The following BSG variants were observed in gnomAD, a reference collection of about 807,000 sequenced individuals.
BSG encodes basigin.
A neutral mutation model predicts 43.1 loss-of-function variants in BSG; 37 were observed. That is an observed-to-expected ratio of 0.86 (90% CI 0.66 to 1.13). The LOEUF (loss-of-function observed/expected upper bound fraction) is 1.13, where lower values mean the gene tolerates loss of function less well. BSG is among the 50% of genes most tolerant of loss of function. The pLI is 0.00. For synonymous variants in BSG, 309 were observed against 238.7 expected (o/e 1.29, Z -2.72); for missense variants, 599 against 554.2 (o/e 1.08, Z -0.81).
At chr19:579,040 C>T (rs1314438668) in intron 2 of BSG, 1 of 456,794 alleles carries the variant, frequency 2.2e-6, no homozygotes, top group Non-Finnish European at 4.4e-6. Context: ...ACCACCGCGC[C>T]CAGCTGGCTA....
At chr19:578,356 G>T in intron 2 of BSG, 1 of 445,580 alleles carries the variant, frequency 2.2e-6, no homozygotes, top group South Asian at 5.2e-5. Context: ...TCCAGCAGGT[G>T]GGTCCTCGTC....
intron 1 of BSG, among the ~76,000 whole-genome samples, chr19:575,644 C>T (rs1326396290): frequency 6.6e-6 from 1 of 151,784 alleles, no homozygotes. Flanking sequence ...GCAGCCTTAT[C>T]CTGCGGGGCT....
At position 579,648 on chromosome 19, in the gene BSG, G is replaced by C; in HGVS notation, c.564G>C (p.Thr188=). Reference sequence around the variant, plus strand: ...AGGACGCGCTGCCCGGCCAGAAAACGGAGTTCAAGTGAGTGCCTGACCACG... The same window carrying C: ...AGGACGCGCTGCCCGGCCAGAAAACCGAGTTCAAGTGAGTGCCTGACCACG... ...LKEDALPGQK[T]EFKVDSDDQW... is the part of the protein sequence containing the mutation. The change falls in exon 3 of 9, where the codon ACG becomes ACC. Residue 188 remains threonine (T), a synonymous_variant. Coordinates refer to ENST00000333511, the MANE Select transcript of BSG (RefSeq NM_001728.4). The C allele has an allele frequency of 2.5e-6, 4 of 1,609,342 alleles. No individual in the cohort carries two copies. The highest frequency in any genetic ancestry group is 3.4e-6 in the Non-Finnish European group (4 of 1,178,190).
rs1235506037 is a variant in BSG, at chr19:582,571, T to C, written c.1152T>C (p.Ser384=). The change falls in exon 8 of 9, where the codon TCT becomes TCC. Residue 384 remains serine, a synonymous_variant. Coordinates refer to ENST00000333511, the MANE Select transcript of BSG (RefSeq NM_001728.4). ...DKGKNVRQRN[S]S ...GCAAGAACGTCCGCCAGAGGAACTC[T>C]TCCTGAGGCAGGTGCGGTGGGCGGG... 7.2e-7 allele frequency: 1 copy of C among 1,395,014 alleles called. No individual in the cohort carries two copies. The highest frequency in any genetic ancestry group is 9.5e-7 in the Non-Finnish European group (1 of 1,048,160). 86.4% of individuals were successfully genotyped at this position (1,395,014 alleles called of 1,614,324 possible). A position where few individuals can be genotyped will look rare whatever the true frequency, so the allele number is the denominator to read the frequency against.
In BSG at chr19:579,485, C is replaced by G; in HGVS notation, c.416-15C>G. On this transcript the variant is annotated splice_polypyrimidine_tract_variant and intron_variant, in intron 2 of 8. Coordinates refer to ENST00000333511, the MANE Select transcript of BSG (RefSeq NM_001728.4). The stretch of plus-strand genomic sequence containing the variant: ...CTCCTCCACTCTGCTGACCGCGTCT[C>G]GCCGGGCCTTGCAGCCGGCACAGTC... The G allele has an allele frequency of 6.2e-7, 1 of 1,612,198 alleles. No homozygotes were observed. The highest frequency in any genetic ancestry group is 8.5e-7 in the Non-Finnish European group (1 of 1,179,860).
At chr19:580,155 G>A (rs895876169) in intron 3 of BSG, among the ~76,000 whole-genome samples, 1 of 86,834 alleles carries the variant, frequency 1.2e-5, no homozygotes, top group African/African-American at 1.1e-4. Context: ...GGGTTCATCA[G>A]TCGGGGAGAA....
chr19:580,095 T>G (rs942178234), intron 3 of BSG: 1 of 459,420 alleles, frequency 2.2e-6, no homozygotes, highest in Non-Finnish European at 3.9e-6. Flanking sequence ...TCAGGCTGAC[T>G]GGGAAGACGG....
chr19:576,917 A>G (rs955838455), intron 1 of BSG, among the ~76,000 whole-genome samples: 19 of 151,902 alleles, frequency 1.3e-4, no homozygotes, highest in Admixed American at 1.0e-3. Context: ...GTGTGCACGC[A>G]TATGCACGTG....
At chr19:579,932 C>T (rs746937266) in intron 3 of BSG, 3 of 493,304 alleles carry the variant, frequency 6.1e-6, no homozygotes, top group Admixed American at 7.6e-5. Context: ...TGCCAGGTCC[C>T]GGGCACGTGT....
chr19:581,329 C>T lies in BSG; in HGVS notation c.807C>T (p.Gly269=), dbSNP rs1409157319. 3 of 1,612,270 alleles carry T rather than the reference C, an allele frequency of 1.9e-6. No homozygotes were observed. Among genetic ancestry groups the T allele is most frequent in the East Asian group, 2.2e-5 (1 of 44,874 alleles). Residue 269 remains glycine (G), a synonymous_variant, in exon 6 of 9, where the codon GGC becomes GGT. Transcript: ENST00000333511. The part of the protein sequence containing the change: ...TDSEDKALMN[G]SESRFFVSSS... ...TGGTCCCCTAGGCCCTCATGAACGG[C>T]TCCGAGAGCAGGTTCTTCGTGAGTT...
chr19:571,814 A>G, upstream of BSG: 1 of 563,028 alleles, frequency 1.8e-6, no homozygotes, highest in Non-Finnish European at 3.2e-6. Context: ...CCCACAATCT[A>G]AGCTGATCCC....
At position 578,063 on chromosome 19, in the gene BSG, GA is replaced by G; in HGVS notation, c.358del (p.Thr120ProfsTer16). The part of the protein sequence containing the change: ...ASNDPDRNHL[T>X]RAPRVKWVRA... ...GCAACGACCCGGATCGCAACCACCT[GA>G]CCCGGGCGCCCAGGGTCAAGTGGGT... On this transcript the variant is annotated frameshift_variant, in exon 2 of 9. Coordinates refer to ENST00000333511, the MANE Select transcript of BSG (RefSeq NM_001728.4). LOFTEE classifies it high-confidence loss of function. The G allele has an allele frequency of 6.2e-7, 1 of 1,609,394 alleles. No homozygotes were observed. Among genetic ancestry groups the G allele is most frequent in the Non-Finnish European group, 8.5e-7 (1 of 1,178,076 alleles).
chr19:572,296 G>A (rs977688035), upstream of BSG: 14 of 757,978 alleles, frequency 1.8e-5, no homozygotes, highest in Non-Finnish European at 1.9e-5. Flanking sequence ...ACCCCCTCGG[G>A]CGCACCGCTC....
At chr19:572,430 G>C, upstream of BSG, 1 of 1,138,784 alleles carries the variant, frequency 8.8e-7, no homozygotes, top group South Asian at 4.4e-5. Flanking sequence ...GGATTCCGTA[G>C]CGTGAGCCTG....
In BSG at chr19:582,580, C is replaced by T. The variant is rs762369160; in HGVS notation, c.*3C>T. On this transcript the variant is annotated splice_region_variant and 3_prime_UTR_variant, in exon 8 of 9. Coordinates refer to ENST00000333511, the MANE Select transcript of BSG (RefSeq NM_001728.4). Reference sequence around the variant, plus strand: ...TCCGCCAGAGGAACTCTTCCTGAGGCAGGTGCGGTGGGCGGGAGCTCCTCC... The same window carrying T: ...TCCGCCAGAGGAACTCTTCCTGAGGTAGGTGCGGTGGGCGGGAGCTCCTCC... 88 of 1,039,616 alleles carry T rather than the reference C, an allele frequency of 8.5e-5. No individual in the cohort carries two copies. In the Middle Eastern group the frequency reaches 1.4e-3, roughly 16 times the overall value. 64.4% of individuals were successfully genotyped at this position (1,039,616 alleles called of 1,614,324 possible).
intron 4 of BSG, 41 bp downstream of exon 4, chr19:580,502 C>G (rs753413649): frequency 1.2e-6 from 2 of 1,607,190 alleles, no homozygotes; most frequent in East Asian, 2.2e-5. Flanking sequence ...CACCGACTGT[C>G]GGGAGAAGTT....
chr19:578,131 G>T lies in BSG; in HGVS notation c.415+10G>T. 2 of 1,536,632 alleles carry T rather than the reference G, an allele frequency of 1.3e-6. No individual in the cohort carries two copies. Among genetic ancestry groups the T allele is most frequent in the South Asian group, 1.2e-5 (1 of 81,916 alleles). ...GTGCTAGTCCTGGAACGTGAGTGGC[G>T]GGCACCTCCCTCCCCGCCTCCCTCA... On this transcript the variant is annotated intron_variant, in intron 2 of 8. Transcript: ENST00000333511.
At chr19:576,826 C>G (rs1287076612) in intron 1 of BSG, among the ~76,000 whole-genome samples, 1 of 152,176 alleles carries the variant, frequency 6.6e-6, no homozygotes, top group Non-Finnish European at 1.5e-5. Context: ...CAGAGCTCAC[C>G]TGAGGTGCTC....
At chr19:582,609 G>C (rs759620157) in intron 8 of BSG, 27 bp downstream of exon 8, 1 of 1,472,628 alleles carries the variant, frequency 6.8e-7, no homozygotes, top group Non-Finnish European at 9.2e-7. Flanking sequence ...CTCCTCCTGA[G>C]CCAGGTGTGG....
Sources: allele counts gnomAD v4.1 joint callset (sites outside exome capture counted in the v4.1 genomes callset), GRCh38; gene constraint gnomAD v4.1.1; transcripts MANE v1.5; gene names NCBI Gene and HGNC (gene_info 2026-07-23, HGNC 2026-07-21).